RUNX1: variants seen among roughly 807,000 people sequenced by gnomAD.
RUNX1 encodes RUNX family transcription factor 1.
RUNX1 carries 19 observed loss-of-function variants against 42.8 expected under a neutral mutation model. The ratio of observed to expected loss-of-function variants is 0.44; its 90% CI spans 0.31 to 0.65. The LOEUF (loss-of-function observed/expected upper bound fraction) is 0.65. Among genes scored for constraint, RUNX1 ranks in the 30% least tolerant of loss-of-function variants. RUNX1 has a pLI of 0.07. For synonymous variants in RUNX1, 271 were observed against 289.4 expected (o/e 0.94, Z 0.64); for missense variants, 528 against 672.0 (o/e 0.79, Z 2.37).
intron 2 of RUNX1, among the ~76,000 whole-genome samples, chr21:34,967,631 CAG>C (rs373654989): frequency 1.3e-5 from 2 of 152,182 alleles, no homozygotes; most frequent in African/African-American, 4.8e-5. Flanking sequence ...AGAAGTGACA[CAG>C]AGTCACATTA....
chr21:35,034,113 T>G (rs1044083495), intron 2 of RUNX1, among the ~76,000 whole-genome samples: 1 of 152,168 alleles, frequency 6.6e-6, no homozygotes, highest in South Asian at 2.1e-4. Flanking sequence ...AAAACCAGAC[T>G]AGGATTGAGT....
At chr21:34,808,786 G>A (rs776102823) in intron 7 of RUNX1, among the ~76,000 whole-genome samples, 4 of 152,188 alleles carry the variant, frequency 2.6e-5, no homozygotes, top group Non-Finnish European at 5.9e-5. Context: ...TCTGAGACAC[G>A]TCTGGGAAAG....
intron 7 of RUNX1, among the ~76,000 whole-genome samples, chr21:34,801,655 T>G (rs2056609833): frequency 1.3e-5 from 2 of 152,178 alleles, no homozygotes; most frequent in Admixed American, 6.5e-5. Flanking sequence ...TTTTCTTTCA[T>G]GAGACCACAG....
rs776303038 is a variant in RUNX1 at position 34,807,947 on chromosome 21, AAG to A, written c.806-8487_806-8486del. Among the ~76,000 whole-genome samples the A allele has an allele frequency of 7.2e-5, 11 of 152,334 alleles. No homozygotes were observed. In the South Asian group the frequency reaches 1.5e-3, roughly 20 times the overall value. On this transcript the variant is annotated intron_variant, in intron 7 of 8. Coordinates refer to ENST00000675419, the MANE Select transcript of RUNX1 (RefSeq NM_001754.5). ...CCCTGAAAGTTCCACTGTCTTTGAG[AAG>A]CAGTGTTTCCTCTGGCCTCTGCAGC...
At chr21:34,925,549 G>A (rs1267625075) in intron 2 of RUNX1, among the ~76,000 whole-genome samples, 2 of 152,194 alleles carry the variant, frequency 1.3e-5, no homozygotes, top group Admixed American at 6.5e-5. Flanking sequence ...GTCAAGGATT[G>A]CTGGCAACCA....
intron 2 of RUNX1, among the ~76,000 whole-genome samples, chr21:35,030,965 T>C (rs545284739): frequency 3.9e-4 from 60 of 152,078 alleles, no homozygotes; most frequent in Admixed American, 8.5e-4. Flanking sequence ...GTCCAGTAAG[T>C]ATAAAAAATA....
At chr21:34,793,558 A>G (rs1368507179) in intron 8 of RUNX1, among the ~76,000 whole-genome samples, 1 of 152,208 alleles carries the variant, frequency 6.6e-6, no homozygotes, top group Non-Finnish European at 1.5e-5. Context: ...TTAAAATGAC[A>G]GGAAATTCAA....
intron 6 of RUNX1, among the ~76,000 whole-genome samples, chr21:34,841,117 C>A (rs533802507): frequency 5.9e-5 from 9 of 152,246 alleles, no homozygotes; most frequent in Non-Finnish European, 5.9e-5. Context: ...AGACATCTGC[C>A]CTGAATGCCC....
At position 35,012,665 on chromosome 21, in the gene RUNX1, T is replaced by G. The variant is rs570107823; in HGVS notation, c.58+36177A>C. Reference sequence around the variant, plus strand: ...ATATGTCCACATCTATATGGACATATGACAAAATCTCTGAGCATGACTTTG... The same window carrying G: ...ATATGTCCACATCTATATGGACATAGGACAAAATCTCTGAGCATGACTTTG... On this transcript the variant is annotated intron_variant, in intron 2 of 8. Transcript: ENST00000675419. Among the ~76,000 whole-genome samples the G allele has an allele frequency of 5.3e-5, 8 of 152,316 alleles. No homozygotes were observed. In the East Asian group the frequency reaches 1.4e-3, roughly 26 times the overall value.
chr21:34,895,791 G>A (rs2058125444), intron 2 of RUNX1, among the ~76,000 whole-genome samples: 1 of 152,126 alleles, frequency 6.6e-6, no homozygotes, highest in Admixed American at 6.5e-5. Flanking sequence ...GCAACCTGAG[G>A]AAATGTGAAC....
At chr21:34,817,192 G>C (rs2056838698) in intron 7 of RUNX1, among the ~76,000 whole-genome samples, 2 of 152,166 alleles carry the variant, frequency 1.3e-5, no homozygotes, top group African/African-American at 4.8e-5. Context: ...TCAAACTCAG[G>C]CTGGAGTGTA....
At chr21:35,003,496 T>G (rs1208519772) in intron 2 of RUNX1, among the ~76,000 whole-genome samples, 2 of 150,838 alleles carry the variant, frequency 1.3e-5, no homozygotes, top group Non-Finnish European at 2.9e-5. Context: ...TGATAATGAG[T>G]GAACAAGAAG....
intron 3 of RUNX1, chr21:34,888,411 A>G (rs778794972): frequency 1.3e-4 from 137 of 1,067,524 alleles, no homozygotes; most frequent in Middle Eastern, 1.2e-3. Context: ...CTGTTGTAAA[A>G]GGAAAACAAT....
intron 8 of RUNX1, among the ~76,000 whole-genome samples, chr21:34,798,949 C>A (rs1196247905): frequency 6.6e-6 from 1 of 152,124 alleles, no homozygotes; most frequent in African/African-American, 2.4e-5. Context: ...ACCGCATGGA[C>A]CAGTCCCATT....
chr21:34,855,572 G>T (rs1190389291), intron 6 of RUNX1, among the ~76,000 whole-genome samples: 1 of 152,150 alleles, frequency 6.6e-6, no homozygotes, highest in Admixed American at 6.5e-5. Flanking sequence ...GGGAGTGGTT[G>T]TGGGCATCTG....
chr21:34,930,270 G>GTGTATATATATATATATA (rs372412304), intron 2 of RUNX1, among the ~76,000 whole-genome samples: 29 of 122,904 alleles, frequency 2.4e-4, no homozygotes, highest in African/African-American at 4.9e-4. Flanking sequence ...GTGTGTGTAT[G>GTGTATATATATATATATA]TATATATATA....
chr21:34,985,835 T>C (rs991990636), intron 2 of RUNX1, among the ~76,000 whole-genome samples: 2 of 151,090 alleles, frequency 1.3e-5, no homozygotes, highest in African/African-American at 2.4e-5. Context: ...TTAGAGAAAG[T>C]GTCTGGTGGT....
chr21:34,887,805 T>C, intron 3 of RUNX1: 1 of 1,063,918 alleles, frequency 9.4e-7, no homozygotes, highest in Non-Finnish European at 1.1e-6. Context: ...TTTTTTTAAG[T>C]AGCCTTGAAA....
chr21:34,981,451 C>T (rs1271702252), intron 2 of RUNX1, among the ~76,000 whole-genome samples: 1 of 152,098 alleles, frequency 6.6e-6, no homozygotes, highest in Non-Finnish European at 1.5e-5. Flanking sequence ...ATATGGAGTC[C>T]CTGGACCTAT....
Sources: allele counts gnomAD v4.1 joint callset (sites outside exome capture counted in the v4.1 genomes callset), GRCh38; gene constraint gnomAD v4.1.1; transcripts MANE v1.5; gene names NCBI Gene and HGNC (gene_info 2026-07-23, HGNC 2026-07-21).